Variants in CHD5 observed in about 807,000 individuals in gnomAD.
CHD5 encodes the protein ATP-dependent chromatin remodeler CHD5.
In CHD5, 69 loss-of-function variants were observed where a neutral mutation model predicts 230.3. The observed-to-expected ratio is 0.30, with a 90% CI of 0.25 to 0.37. The LOEUF is 0.37. CHD5 is among the 10% of genes least tolerant of loss of function. The pLI is 1.00. For synonymous variants in CHD5, 1,064 were observed against 1,065.9 expected (o/e 1.00, Z 0.03); for missense variants, 1,827 against 2,622.8 (o/e 0.70, Z 6.63).
At position 6,151,051 on chromosome 1, in the gene CHD5, C is replaced by T. The variant is rs1483949061; in HGVS notation, c.975G>A (p.Arg325=). Residue 325 remains arginine, a synonymous_variant, in exon 7 of 42, where the codon AGG becomes AGA. Transcript: ENST00000262450. ...TCATACTCCTCTTCTTCTTGCGCCT[C>T]CTCTTGCTCTTCTTGCCCAGGGCTG... is the stretch of plus-strand genomic sequence containing the variant. The part of the protein sequence containing the change: ...CSAALGKKSK[R]RRKKKRIDDG... The T allele has an allele frequency of 1.9e-6, 3 of 1,583,794 alleles. No homozygotes were observed. The highest frequency in any genetic ancestry group is 2.6e-6 in the Non-Finnish European group (3 of 1,161,372).
At chr1:6,123,873 T>C in intron 31 of CHD5, 75 bp downstream of exon 31, 2 of 1,097,434 alleles carry the variant, frequency 1.8e-6, no homozygotes, top group Non-Finnish European at 2.4e-6. Flanking sequence ...GGATTGTGGG[T>C]TAGACTAGGG....
chr1:6,152,380 GCACACACA>G, intron 6 of CHD5, 24 bp downstream of exon 6: 2 of 1,597,556 alleles, frequency 1.3e-6, no homozygotes, highest in Admixed American at 1.8e-5. Flanking sequence ...GCATGCAAAT[GCACACACA>G]CGCGCACACA....
chr1:6,157,708 A>T (rs976835933), intron 3 of CHD5, among the ~76,000 whole-genome samples: 5 of 152,190 alleles, frequency 3.3e-5, no homozygotes, highest in Admixed American at 1.3e-4. Flanking sequence ...GCCCCCGTGG[A>T]CACACATGGC....
intron 31 of CHD5, among the ~76,000 whole-genome samples, chr1:6,122,990 C>T (rs1249379178): frequency 6.6e-6 from 1 of 151,694 alleles, no homozygotes. Flanking sequence ...TCGCTTGAAC[C>T]TGGGAGGCGG....
chr1:6,158,270 C>A (rs889858626), intron 3 of CHD5, among the ~76,000 whole-genome samples: 5 of 152,190 alleles, frequency 3.3e-5, no homozygotes, highest in African/African-American at 1.2e-4. Flanking sequence ...GACGCTGGGC[C>A]CAGGGGAGAG....
chr1:6,139,988 G>A (rs1054453266), intron 15 of CHD5, among the ~76,000 whole-genome samples: 3 of 152,172 alleles, frequency 2.0e-5, no homozygotes, highest in East Asian at 1.9e-4. Flanking sequence ...GGAGGAGGCC[G>A]ACCTGAGGGA....
At chr1:6,138,592 T>C (rs917047840) in intron 15 of CHD5, among the ~76,000 whole-genome samples, 1 of 152,214 alleles carries the variant, frequency 6.6e-6, no homozygotes. Context: ...CCGTGCAGCA[T>C]AGGCTTTGCC....
At chr1:6,153,543 A>G (rs1354748298) in intron 5 of CHD5, among the ~76,000 whole-genome samples, 1 of 152,104 alleles carries the variant, frequency 6.6e-6, no homozygotes, top group Non-Finnish European at 1.5e-5. Context: ...TCAAAACCCA[A>G]ATCAGCCAGA....
chr1:6,168,079 C>A, intron 2 of CHD5, 71 bp downstream of exon 2: 1 of 1,529,718 alleles, frequency 6.5e-7, no homozygotes, highest in Admixed American at 1.9e-5. Context: ...CCCAGCCCTC[C>A]TCTGCGGCCG....
chr1:6,173,471 G>C (rs1343036626), intron 1 of CHD5, among the ~76,000 whole-genome samples: 1 of 152,024 alleles, frequency 6.6e-6, no homozygotes, highest in Non-Finnish European at 1.5e-5. Flanking sequence ...AAGGCCACCA[G>C]GAGGTCAGGA....
Position 6,143,832 on chromosome 1 carries a change from G to C in CHD5, c.2034C>G (p.Pro678=). Residue 678 remains proline (P), a synonymous_variant, in exon 13 of 42, where the codon CCC becomes CCG. Transcript: ENST00000262450. ...CACCCTCCCCACTCACGTCCACAAT[G>C]GGCGTGTCCGGCGGCTTCTCCTGCT... The part of the protein sequence containing the change: ...DDKQEKPPDT[P]IVDPTVKFDK... 6.6e-7 allele frequency: 1 copy of C among 1,521,440 alleles called. No homozygotes were observed. Among genetic ancestry groups the C allele is most frequent in the Non-Finnish European group, 9.0e-7 (1 of 1,113,388 alleles). 94.2% of individuals were successfully genotyped at this position (1,521,440 alleles called of 1,614,324 possible). A position where few individuals can be genotyped will look rare whatever the true frequency, so the allele number is the denominator to read the frequency against.
In CHD5 at chr1:6,126,086, G is replaced by T. The variant is rs562378373; in HGVS notation, c.4079-228C>A. Among the ~76,000 whole-genome samples the T allele has an allele frequency of 6.8e-4, 104 of 152,240 alleles. No homozygotes were observed. Among genetic ancestry groups the T allele is most frequent in the Non-Finnish European group, 1.3e-3 (87 of 68,010 alleles). On this transcript the variant is annotated intron_variant, in intron 26 of 41. Coordinates refer to ENST00000262450, the MANE Select transcript of CHD5 (RefSeq NM_015557.3). The surrounding 1 kb of genome is among the most constrained non-coding windows in gnomAD (Gnocchi z 5.7). Reference sequence around the variant, plus strand: ...CACATTACACATACTGTGTGCAAGGGACGTGCCCAAGGCCACGTCACGAGC... The same window carrying T: ...CACATTACACATACTGTGTGCAAGGTACGTGCCCAAGGCCACGTCACGAGC...
rs1378168233 is a variant in CHD5, at chr1:6,125,959, G to A, written c.4079-101C>T. On this transcript the variant is annotated intron_variant, in intron 26 of 41. Transcript: ENST00000262450. This position sits in a 1 kb window ranked among gnomAD's most constrained non-coding sequence, Gnocchi z 6.7. The stretch of plus-strand genomic sequence containing the variant: ...GGCCACGCCGAGCCCCTGCACCCCA[G>A]CTCCATAAAAAAGCAGTGACAATGG... The A allele has an allele frequency of 1.2e-6, 1 of 812,594 alleles. No individual in the cohort carries two copies. The highest frequency in any genetic ancestry group is 2.0e-5 in the Admixed American group (1 of 48,898). 50.3% of individuals were successfully genotyped at this position (812,594 alleles called of 1,614,324 possible).
chr1:6,157,627 G>A (rs1667099827), intron 3 of CHD5, among the ~76,000 whole-genome samples: 1 of 152,194 alleles, frequency 6.6e-6, no homozygotes, highest in Admixed American at 6.5e-5. Context: ...GGCCTCCAGA[G>A]CCCATTCTTG....
In CHD5 at chr1:6,154,867, G is replaced by A. The variant is rs926957306; in HGVS notation, c.538C>T (p.Pro180Ser). The A allele has an allele frequency of 6.2e-7, 1 of 1,613,896 alleles. No individual in the cohort carries two copies. Reference protein sequence around the residue: ...PLIAKKNPKIPMSKMMTVLGA... With the variant: ...PLIAKKNPKISMSKMMTVLGA... Reference sequence around the variant, plus strand: ...AGGACGGTCATCATTTTGGACATGGGGATCTTCGGGTTCTTCTTGGCAATG... The same window carrying A: ...AGGACGGTCATCATTTTGGACATGGAGATCTTCGGGTTCTTCTTGGCAATG... Residue 180 changes from proline to serine, a missense_variant, in exon 5 of 42, where the codon CCC becomes TCC. Transcript: ENST00000262450. The surrounding 1 kb of genome is among the most constrained non-coding windows in gnomAD (Gnocchi z 7.0).
rs959526497 is a variant in CHD5, at chr1:6,102,558, A to G, written c.*2916T>C. ...CAAGTCCATCTGGCTTCTGGCTCCC[A>G]TGTACCCGAGCCCACTCTCCACTCC... On this transcript the variant is annotated 3_prime_UTR_variant, in exon 42 of 42. Coordinates refer to ENST00000262450, the MANE Select transcript of CHD5 (RefSeq NM_015557.3). 6.6e-6 allele frequency: 1 copy of G among 152,288 alleles called. No individual in the cohort carries two copies. The highest frequency in any genetic ancestry group is 1.5e-5 in the Non-Finnish European group (1 of 68,094). 9.4% of individuals were successfully genotyped at this position (152,288 alleles called of 1,614,324 possible). A position where few individuals can be genotyped will look rare whatever the true frequency, so the allele number is the denominator to read the frequency against.
chr1:6,146,211 C>T lies in CHD5; in HGVS notation c.1802+1G>A. On this transcript the variant is annotated splice_donor_variant, in intron 11 of 41. Transcript: ENST00000262450. LOFTEE classifies it high-confidence loss of function. This position sits in a 1 kb window ranked among gnomAD's most constrained non-coding sequence, Gnocchi z 5.1. ...CAGGGTGGCCGCCTGCAGGCACACA[C>T]CTATGGTTCAGGATTCGGTGAATCA... 6.2e-7 allele frequency: 1 copy of T among 1,613,974 alleles called. No homozygotes were observed. Among genetic ancestry groups the T allele is most frequent in the Non-Finnish European group, 8.5e-7 (1 of 1,179,962 alleles).
chr1:6,106,847 G>A, intron 38 of CHD5, 68 bp from the exon 39 acceptor site: 8 of 602,234 alleles, frequency 1.3e-5, no homozygotes, highest in Non-Finnish European at 2.1e-5. Flanking sequence ...GGAGTGGAAG[G>A]ATGGAGGGAT....
Position 6,121,637 on chromosome 1 carries a change from T to G in CHD5, c.4700-64A>C. The G allele has an allele frequency of 8.0e-7, 1 of 1,246,730 alleles. No homozygotes were observed. Among genetic ancestry groups the G allele is most frequent in the Non-Finnish European group, 1.1e-6 (1 of 871,598 alleles). 77.2% of individuals were successfully genotyped at this position (1,246,730 alleles called of 1,614,324 possible). A position where few individuals can be genotyped will look rare whatever the true frequency, so the allele number is the denominator to read the frequency against. On this transcript the variant is annotated intron_variant, in intron 31 of 41. Coordinates refer to ENST00000262450, the MANE Select transcript of CHD5 (RefSeq NM_015557.3). This position sits in a 1 kb window ranked among gnomAD's most constrained non-coding sequence, Gnocchi z 4.5. ...AGACGGGAAGGAGTAGGGCAGGGAG[T>G]GGGGTGGCAGAGAGGAGAGATGGGG...
Sources: gnomAD v4.1 joint callset for allele counts (sites outside exome capture counted in the v4.1 genomes callset) on GRCh38, gnomAD v4.1.1 for gene constraint, Gnocchi (gnomAD v3.1) non-coding constraint, MANE v1.5 for transcripts, NCBI Gene and HGNC (gene_info 2026-07-23, HGNC 2026-07-21) for gene names.